The following PKIB variants were observed in gnomAD, a reference collection of about 807,000 sequenced individuals.
The protein encoded by PKIB is PKI-beta.
A neutral mutation model predicts 4.5 loss-of-function variants in PKIB; 2 were observed. The observed-to-expected ratio is 0.44, with a 90% CI of 0.18 to 1.39. The LOEUF is 1.39. PKIB is among the 40% of genes most tolerant of loss of function. The pLI, the probability that PKIB is intolerant of heterozygous loss-of-function variation, is 0.27. For missense variants in PKIB, 94 were observed against 92.6 expected (o/e 1.02, Z -0.06); for synonymous variants, 38 against 36.0 (o/e 1.06, Z -0.20).
intron 2 of PKIB, among the ~76,000 whole-genome samples, chr6:122,516,107 A>G (rs950046877): frequency 1.7e-4 from 26 of 152,214 alleles, no homozygotes; most frequent in African/African-American, 4.8e-4. Flanking sequence ...AGAATCTACT[A>G]TCATACAATT....
At chr6:122,706,045 T>C (rs140076865) in intron 3 of PKIB, among the ~76,000 whole-genome samples, 3 of 152,274 alleles carry the variant, frequency 2.0e-5, no homozygotes, top group Non-Finnish European at 2.9e-5. Flanking sequence ...CAGCGAAATG[T>C]TTCCTTTTCT....
At chr6:122,490,912 A>T (rs1304970569) in intron 2 of PKIB, among the ~76,000 whole-genome samples, 6 of 152,164 alleles carry the variant, frequency 3.9e-5, no homozygotes, top group Non-Finnish European at 7.3e-5. Context: ...AGTTGCCTGA[A>T]TGGGGCTAAG....
At position 122,703,937 on chromosome 6, in the gene PKIB, TATATAGAGAGAGAGAG is replaced by T. The variant is rs1429681224; in HGVS notation, c.-8-13848_-8-13833del. Among the ~76,000 whole-genome samples, 153 of 130,402 alleles carry T rather than the reference TATATAGAGAGAGAGAG, an allele frequency of 1.2e-3. 3 individuals are homozygous for T. The East Asian group carries it at 0.017, about 15-fold the overall frequency. The allele number at this position is 130,402 out of a possible 152,430, so 85.5% of individuals were successfully genotyped here. A position where few individuals can be genotyped will look rare whatever the true frequency, so the allele number is the denominator to read the frequency against. ...ATATATGTGTGTATATATATATATA[TATATAGAGAGAGAGAG>T]AGAGAGAGAGAGAGAGAGAGAAATT... On this transcript the variant is annotated intron_variant, in intron 3 of 4. Transcript: ENST00000368452.
At chr6:122,662,041 G>A (rs977253411) in intron 2 of PKIB, among the ~76,000 whole-genome samples, 1 of 151,718 alleles carries the variant, frequency 6.6e-6, no homozygotes, top group Non-Finnish European at 1.5e-5. Flanking sequence ...TTCTAAATTG[G>A]GTTATTTATC....
At chr6:122,530,908 C>T (rs1351157092) in intron 2 of PKIB, among the ~76,000 whole-genome samples, 1 of 152,200 alleles carries the variant, frequency 6.6e-6, no homozygotes, top group Non-Finnish European at 1.5e-5. Context: ...AATTTCCTTA[C>T]TTCTTTCTTT....
intron 1 of PKIB, among the ~76,000 whole-genome samples, chr6:122,617,941 C>T (rs2114779793): frequency 6.6e-6 from 1 of 151,924 alleles, no homozygotes; most frequent in East Asian, 1.9e-4. Flanking sequence ...CAGTTTGTAT[C>T]CTACATTTCT....
At position 122,527,554 on chromosome 6, in the gene PKIB, A is replaced by G. The variant is rs1357844966; in HGVS notation, c.-248+49615A>G. On this transcript the variant is annotated intron_variant, in intron 2 of 6. Transcript: ENST00000392491. ...TGGAGATCCAAGGGGATGAAGAGAG[A>G]TAAGGGATTAACTGGTCAGCAGAGC... Among the ~76,000 whole-genome samples the G allele has an allele frequency of 2.6e-5, 4 of 152,144 alleles. No homozygotes were observed. The South Asian group carries it at 8.3e-4, about 31-fold the overall frequency.
At chr6:122,576,072 C>T (rs968904227) in intron 2 of PKIB, among the ~76,000 whole-genome samples, 1 of 152,178 alleles carries the variant, frequency 6.6e-6, no homozygotes, top group Non-Finnish European at 1.5e-5. Context: ...CAGTTATTGC[C>T]TGGAACCAGG....
At chr6:122,695,537 C>T (rs4609066) in intron 3 of PKIB, among the ~76,000 whole-genome samples, 74,118 of 151,860 alleles carry the variant, frequency 0.49, 18,734 homozygotes, top group Non-Finnish European at 0.56. Context: ...ATTTTGGGTT[C>T]GCTGAAACAC....
At chr6:122,605,001 A>G (rs896847937) in intron 3 of PKIB, among the ~76,000 whole-genome samples, 2 of 152,172 alleles carry the variant, frequency 1.3e-5, no homozygotes, top group South Asian at 2.1e-4. Context: ...CAACTGTTTC[A>G]TTGTCCAGCT....
At chr6:122,653,698 C>T (rs577630292) in intron 2 of PKIB, among the ~76,000 whole-genome samples, 27 of 151,888 alleles carry the variant, frequency 1.8e-4, no homozygotes, top group Admixed American at 5.9e-4. Context: ...CAGTGGCTCC[C>T]GCCTGTAATC....
chr6:122,657,113 A>G (rs1279027071), intron 2 of PKIB, among the ~76,000 whole-genome samples: 5 of 152,234 alleles, frequency 3.3e-5, no homozygotes, highest in Non-Finnish European at 7.3e-5. Flanking sequence ...GCAGATTAAC[A>G]TATCTGTCAT....
chr6:122,511,855 G>A (rs1255670546), intron 2 of PKIB, among the ~76,000 whole-genome samples: 1 of 152,222 alleles, frequency 6.6e-6, no homozygotes, highest in African/African-American at 2.4e-5. Flanking sequence ...AGTAGTTAGT[G>A]GGAGCGGGCT....
At chr6:122,551,872 ATC>A (rs1772682889) in intron 2 of PKIB, among the ~76,000 whole-genome samples, 1 of 126,466 alleles carries the variant, frequency 7.9e-6, no homozygotes, top group Non-Finnish European at 1.6e-5. Flanking sequence ...GACTTAGTAC[ATC>A]TTTTTTTTTT....
chr6:122,623,593 A>T (rs1251569609), intron 1 of PKIB, among the ~76,000 whole-genome samples: 1 of 152,150 alleles, frequency 6.6e-6, no homozygotes, highest in Non-Finnish European at 1.5e-5. Context: ...TGTTCTGTAT[A>T]CAAAAGGGAA....
At chr6:122,628,246 A>T (rs1370726602) in intron 1 of PKIB, among the ~76,000 whole-genome samples, 3 of 152,232 alleles carry the variant, frequency 2.0e-5, no homozygotes, top group African/African-American at 7.2e-5. Context: ...CATGTGGGTC[A>T]GGCTGGTCTC....
At chr6:122,577,645 C>T (rs1178665354) in intron 2 of PKIB, among the ~76,000 whole-genome samples, 1 of 152,146 alleles carries the variant, frequency 6.6e-6, no homozygotes, top group African/African-American at 2.4e-5. Flanking sequence ...CGCTGTGGCT[C>T]ATGCCTGTAA....
chr6:122,534,882 A>G (rs1418996637), intron 2 of PKIB, among the ~76,000 whole-genome samples: 1 of 152,188 alleles, frequency 6.6e-6, no homozygotes, highest in East Asian at 1.9e-4. Context: ...ATAAAAGTGA[A>G]GGCTAAGGAA....
intron 2 of PKIB, among the ~76,000 whole-genome samples, chr6:122,537,214 T>C (rs965585476): frequency 3.9e-5 from 6 of 152,052 alleles, no homozygotes; most frequent in African/African-American, 1.4e-4. Flanking sequence ...ATGTGCACAA[T>C]GTGCAGGTTT....
Sources: gnomAD v4.1 joint callset for allele counts (sites outside exome capture counted in the v4.1 genomes callset) on GRCh38, gnomAD v4.1.1 for gene constraint, MANE v1.5 for transcripts, NCBI Gene and HGNC (gene_info 2026-07-23, HGNC 2026-07-21) for gene names.